SLC16A8: variants seen among roughly 807,000 people sequenced by gnomAD.
SLC16A8 encodes the protein monocarboxylate transporter 3.
A neutral mutation model predicts 22.4 loss-of-function variants in SLC16A8; 20 were observed. The observed-to-expected ratio is 0.89, with a 90% CI of 0.63 to 1.30. SLC16A8 has a LOEUF of 1.30. SLC16A8 is among the 50% of genes most tolerant of loss of function. The pLI, the probability that SLC16A8 is intolerant of heterozygous loss-of-function variation, is 0.00. For missense variants in SLC16A8, 817 were observed against 740.3 expected, an observed-to-expected ratio of 1.10 and a Z score of -1.20; for synonymous variants, 393 against 358.8, an observed-to-expected ratio of 1.10 and a Z score of -1.08.
rs898523388 is a variant in SLC16A8 at position 38,080,898 on chromosome 22, C to G, written c.1140G>C (p.Ala380=). Residue 380 remains alanine (A), a synonymous_variant, in exon 5 of 6, where the codon GCG becomes GCC. Coordinates refer to ENST00000681075, the MANE Select transcript of SLC16A8 (RefSeq NM_013356.3). ...AAVGAPRFPS[A]LGLVLLVEAA... is the part of the protein sequence containing the mutation. ...CCTCCACGAGCAACACCAGGCCCAG[C>G]GCACTGGGGAAGCGGGGCGCGCCCA... is the stretch of plus-strand genomic sequence containing the variant. 3 of 1,563,644 alleles carry G rather than the reference C, an allele frequency of 1.9e-6. No individual in the cohort carries two copies. Among genetic ancestry groups the G allele is most frequent in the Admixed American group, 1.9e-5 (1 of 52,756 alleles).
rs1400551412 is a variant in SLC16A8, at chr22:38,083,974, C to G, written c.-329+14G>C. ...CAGGAGGGTGATCCCAGGCAGCCCT[C>G]ACATCACACTCACCTGAGCCTGCCT... On this transcript the variant is annotated intron_variant, in intron 1 of 5. Coordinates refer to ENST00000681075, the MANE Select transcript of SLC16A8 (RefSeq NM_013356.3). 1 of 152,258 alleles carries G rather than the reference C, an allele frequency of 6.6e-6. No homozygotes were observed. The highest frequency in any genetic ancestry group is 2.4e-5 in the African/African-American group (1 of 41,430). 9.4% of individuals were successfully genotyped at this position (152,258 alleles called of 1,614,324 possible).
At position 38,081,132 on chromosome 22, in the gene SLC16A8, C is replaced by T. The variant is rs568614144; in HGVS notation, c.906G>A (p.Ala302=). Residue 302 remains alanine (A), a synonymous_variant, in exon 5 of 6, where the codon GCG becomes GCA. Coordinates refer to ENST00000681075, the MANE Select transcript of SLC16A8 (RefSeq NM_013356.3). The part of the protein sequence containing the change: ...LSIVGFVDIV[A]RPACGALAGL... ...CCGCCAGGGCGCCGCACGCCGGGCG[C>T]GCCACGATGTCCACGAAGCCCACGA... is the stretch of plus-strand genomic sequence containing the variant. The T allele has an allele frequency of 1.3e-6, 2 of 1,543,364 alleles. No individual in the cohort carries two copies. The highest frequency in any genetic ancestry group is 2.0e-5 in the Admixed American group (1 of 49,224).
At chr22:38,080,287 C>T (rs556607887) in intron 5 of SLC16A8, among the ~76,000 whole-genome samples, 2 of 152,312 alleles carry the variant, frequency 1.3e-5, no homozygotes, top group African/African-American at 4.8e-5. Flanking sequence ...ATGACGATGA[C>T]TTCCTAAGGG....
Position 38,080,953 on chromosome 22 carries a change from G to GCGCCCA in SLC16A8, c.1079_1084dup (p.Val360_Gly361dup). ...CGCCATGAGCACCTCGAACTGCAGC[G>GCGCCCA]CGCCCACCATGCCGTAGGAGAGGCC... On this transcript the variant is annotated inframe_insertion, in exon 5 of 6. Coordinates refer to ENST00000681075, the MANE Select transcript of SLC16A8 (RefSeq NM_013356.3). 6.3e-7 allele frequency: 1 copy of GCGCCCA among 1,591,320 alleles called. No homozygotes were observed. The highest frequency in any genetic ancestry group is 1.7e-5 in the Admixed American group (1 of 57,280).
At chr22:38,080,223 C>T (rs1211189804) in intron 5 of SLC16A8, among the ~76,000 whole-genome samples, 1 of 152,172 alleles carries the variant, frequency 6.6e-6, no homozygotes, top group African/African-American at 2.4e-5. Context: ...CCTGCCCATC[C>T]ATGCTGTGCC....
At position 38,081,890 on chromosome 22, in the gene SLC16A8, T is replaced by G. The variant is rs1431011586; in HGVS notation, c.357A>C (p.Thr119=). 6.3e-7 allele frequency: 1 copy of G among 1,593,598 alleles called. No homozygotes were observed. Among genetic ancestry groups the G allele is most frequent in the Non-Finnish European group, 8.5e-7 (1 of 1,170,662 alleles). The part of the protein sequence containing the change: ...LELYLTAGVL[T]GLGLALNFQP... ...GAGAGGAGACCAGGGGGCCCTCACCTGTGAGCACCCCAGCGGTCAGGTAGA... is the reference window on the plus strand; with the variant it reads ...GAGAGGAGACCAGGGGGCCCTCACCGGTGAGCACCCCAGCGGTCAGGTAGA... The change falls in exon 4 of 6, where the codon ACA becomes ACC. Residue 119 remains threonine, a splice_region_variant and synonymous_variant. Coordinates refer to ENST00000681075, the MANE Select transcript of SLC16A8 (RefSeq NM_013356.3).
rs1390352571 is a variant in SLC16A8, at chr22:38,081,450, C to T, written c.588G>A (p.Pro196=). Residue 196 remains proline (P), a synonymous_variant, in exon 5 of 6, where the codon CCG becomes CCA. Coordinates refer to ENST00000681075, the MANE Select transcript of SLC16A8 (RefSeq NM_013356.3). The part of the protein sequence containing the change: ...HCCACGAVMR[P]PPGPGPRPRR... The stretch of plus-strand genomic sequence containing the variant: ...GCGGTCGCGGGCCCGGCCCGGGCGG[C>T]GGCCTCATGACAGCCCCGCAGGCGC... 1 of 1,287,970 alleles carries T rather than the reference C, an allele frequency of 7.8e-7. No homozygotes were observed. 79.8% of individuals were successfully genotyped at this position (1,287,970 alleles called of 1,614,324 possible). A position where few individuals can be genotyped will look rare whatever the true frequency, so the allele number is the denominator to read the frequency against.
rs1297569210 is a variant in SLC16A8, at chr22:38,081,967, G to A, written c.280C>T (p.Leu94=). ...GCTAGGATCATGCCCGCGGAAGCCA[G>A]CAGCCCACCCGCCAGCATCACCGGG... ...CRPVMLAGGL[L]ASAGMILASF... Residue 94 remains leucine (L), a synonymous_variant, in exon 4 of 6, where the codon CTG becomes TTG. Transcript: ENST00000681075. 6.4e-7 allele frequency: 1 copy of A among 1,562,144 alleles called. No homozygotes were observed. The highest frequency in any genetic ancestry group is 2.4e-5 in the East Asian group (1 of 41,766).
In SLC16A8 at chr22:38,082,739, C is replaced by T. The variant is rs576077001; in HGVS notation, c.135G>A (p.Ala45=). ...AGCCGGCGTCGAAGTCGCGCATGAG[C>T]GCGCGGAAGAAGACGCTCACGGCTT... The part of the protein sequence containing the change: ...FPKAVSVFFR[A]LMRDFDAGYS... Residue 45 remains alanine, a synonymous_variant, in exon 3 of 6, where the codon GCG becomes GCA. Coordinates refer to ENST00000681075, the MANE Select transcript of SLC16A8 (RefSeq NM_013356.3). The T allele has an allele frequency of 3.1e-6, 5 of 1,592,570 alleles. No homozygotes were observed. The highest frequency in any genetic ancestry group is 2.3e-5 in the South Asian group (2 of 88,480).
chr22:38,082,907 G>C (rs1475759016), intron 2 of SLC16A8, 26 bp from the exon 3 acceptor site: 1 of 1,302,776 alleles, frequency 7.7e-7, no homozygotes, highest in Admixed American at 2.3e-5. Flanking sequence ...GGGGACAAGA[G>C]GGAGGGGCTG....
chr22:38,081,579 G>T lies in SLC16A8; in HGVS notation c.459C>A (p.Ser153Arg). Residue 153 changes from serine to arginine, a missense_variant, in exon 5 of 6, where the codon AGC becomes AGA. Physicochemically the swap from Ser to Arg is moderately radical, Grantham distance 110 (BLOSUM62 -1). Transcript: ENST00000681075. ...PLANGLAAAGSPVFLSALSPL... is the reference protein window; with the variant it reads ...PLANGLAAAGRPVFLSALSPL... ...GCGACAGCGCGGACAGGAACACGGG[G>T]CTGCCCGCCGCCGCCAGCCCGTTGG... The T allele has an allele frequency of 1.3e-6, 2 of 1,512,636 alleles. No homozygotes were observed. Among genetic ancestry groups the T allele is most frequent in the Non-Finnish European group, 1.8e-6 (2 of 1,138,270 alleles). The allele number at this position is 1,512,636 out of a possible 1,614,324, so 93.7% of individuals were successfully genotyped here.
At chr22:38,082,373 G>C (rs1337991278) in intron 3 of SLC16A8, among the ~76,000 whole-genome samples, 1 of 152,250 alleles carries the variant, frequency 6.6e-6, no homozygotes, top group Admixed American at 6.5e-5. Context: ...CTGCGGGGAG[G>C]GGGAGTGCTT....
In SLC16A8 at chr22:38,081,972, C is replaced by T. The variant is rs754934213; in HGVS notation, c.275G>A (p.Gly92Glu). The T allele has an allele frequency of 2.4e-5, 37 of 1,564,302 alleles. No homozygotes were observed. Among genetic ancestry groups the T allele is most frequent in the Non-Finnish European group, 3.0e-5 (35 of 1,154,762 alleles). ...FGCRPVMLAG[G>E]LLASAGMILA... ...GATCATGCCCGCGGAAGCCAGCAGC[C>T]CACCCGCCAGCATCACCGGGCGACA... Residue 92 changes from glycine to glutamate, a missense_variant, in exon 4 of 6, where the codon GGG (glycine) becomes GAG (glutamate). Transcript: ENST00000681075.
chr22:38,082,058 C>A, intron 3 of SLC16A8, 26 bp from the exon 4 acceptor site: 2 of 1,557,526 alleles, frequency 1.3e-6, no homozygotes, highest in Non-Finnish European at 1.7e-6. Context: ...GGTCACCACC[C>A]GGGTCCCGGG....
Position 38,081,002 on chromosome 22 carries a change from G to A in SLC16A8, c.1036C>T (p.Leu346Phe), listed in dbSNP as rs960916355. The change falls in exon 5 of 6, where the codon CTC becomes TTC. Residue 346 changes from leucine to phenylalanine, a missense_variant. By Grantham distance (22) the Leu-to-Phe change is conservative. Transcript: ENST00000681075. ...CCGAAGGCGACGCAGAAGGCGACGA[G>A]GGCGCCGTAGGAGCGCGCGCGTGCG... is the stretch of plus-strand genomic sequence containing the variant. ...SSARARSYGA[L>F]VAFCVAFGLS... 15 of 1,598,168 alleles carry A rather than the reference G, an allele frequency of 9.4e-6. No homozygotes were observed. In the African/African-American group the frequency reaches 1.2e-4, roughly 13 times the overall value.
rs1007546990 is a variant in SLC16A8, at chr22:38,078,195, G to A, written c.*193C>T. On this transcript the variant is annotated 3_prime_UTR_variant, in exon 6 of 6. Coordinates refer to ENST00000681075, the MANE Select transcript of SLC16A8 (RefSeq NM_013356.3). ...GTTGCTCCATAGCAGCTTCACTGGC[G>A]ATGGGGCAGGGCCTGGCGGAACTTG... 17 of 573,276 alleles carry A rather than the reference G, an allele frequency of 3.0e-5. No individual in the cohort carries two copies. The highest frequency in any genetic ancestry group is 9.4e-4 in the Middle Eastern group (2 of 2,128). 35.5% of individuals were successfully genotyped at this position (573,276 alleles called of 1,614,324 possible).
chr22:38,083,359 T>G lies in SLC16A8; in HGVS notation c.-326A>C, dbSNP rs545595665. The stretch of plus-strand genomic sequence containing the variant: ...CCTAATGTTTCTCAGTGATCACAAA[T>G]GACTATTGTCATTAGAACATTAAGG... On this transcript the variant is annotated splice_region_variant and 5_prime_UTR_variant, in exon 2 of 6. Coordinates refer to ENST00000681075, the MANE Select transcript of SLC16A8 (RefSeq NM_013356.3). The G allele has an allele frequency of 4.4e-5, 7 of 159,654 alleles. No homozygotes were observed. The South Asian group carries it at 9.4e-4, about 21-fold the overall frequency. The allele number at this position is 159,654 out of a possible 1,614,324, so 9.9% of individuals were successfully genotyped here.
intron 5 of SLC16A8, 86 bp from the exon 6 acceptor site, chr22:38,078,790 G>T: frequency 8.0e-7 from 1 of 1,247,076 alleles, no homozygotes; most frequent in Non-Finnish European, 1.1e-6. Context: ...CAAGGGTGGT[G>T]CCACTGACTT....
Position 38,080,919 on chromosome 22 carries a change from GC to G in SLC16A8, c.1118del (p.Gly373AlafsTer34), listed in dbSNP as rs1344778533. Reference sequence around the variant, plus strand: ...CCAGCGCACTGGGGAAGCGGGGCGCGCCCACAGCCGCCATGAGCACCTCGAA... The same window carrying G: ...CCAGCGCACTGGGGAAGCGGGGCGCGCCACAGCCGCCATGAGCACCTCGAA... Reference protein sequence around the residue: ...LQFEVLMAAVGAPRFPSALGL... With the variant: ...LQFEVLMAAVXAPRFPSALGL... On this transcript the variant is annotated frameshift_variant, in exon 5 of 6. Coordinates refer to ENST00000681075, the MANE Select transcript of SLC16A8 (RefSeq NM_013356.3). LOFTEE classifies it high-confidence loss of function. 1.3e-6 allele frequency: 2 copies of G among 1,571,238 alleles called. No homozygotes were observed. The highest frequency in any genetic ancestry group is 1.7e-6 in the Non-Finnish European group (2 of 1,165,130).
Sources: gnomAD v4.1 joint callset for allele counts (sites outside exome capture counted in the v4.1 genomes callset) on GRCh38, gnomAD v4.1.1 for gene constraint, MANE v1.5 for transcripts, NCBI Gene and HGNC (gene_info 2026-07-23, HGNC 2026-07-21) for gene names.